PHC2: variants seen among roughly 807,000 people sequenced by gnomAD.
PHC2 encodes the protein polyhomeotic-like protein 2.
In PHC2, 29 loss-of-function variants were observed where a neutral mutation model predicts 87.4. The observed-to-expected ratio is 0.33, with a 90% CI of 0.25 to 0.45. The LOEUF (loss-of-function observed/expected upper bound fraction) is 0.45, where lower values mean the gene tolerates loss of function less well. Ranked by LOEUF, PHC2 falls within the 20% of genes least tolerant of loss-of-function variation. PHC2 has a pLI of 1.00. For missense variants in PHC2, 857 were observed against 1,136.7 expected, an observed-to-expected ratio of 0.75 and a Z score of 3.54; for synonymous variants, 438 against 461.7, an observed-to-expected ratio of 0.95 and a Z score of 0.66.
In PHC2 at chr1:33,375,434, C is replaced by T. The variant is rs760777564; in HGVS notation, c.106G>A (p.Gly36Arg). The stretch of plus-strand genomic sequence containing the variant: ...TGGGGCCCGGTGGGGCGGCCACTTC[C>T]ACCACTGCTGCTGTTGTTGCAGCCA... ...SSGCNNSSSGGSGRPTGPQIS... is the reference protein window; with the variant it reads ...SSGCNNSSSGRSGRPTGPQIS... The change falls in exon 2 of 15, where the codon GGA (glycine) becomes AGA (arginine). Residue 36 changes from glycine to arginine, a missense_variant. This residue lies in a region of PHC2 where 832 missense variants were observed against 1,081.8 expected (regional missense o/e 0.77). Transcript: ENST00000683057. The T allele has an allele frequency of 1.4e-5, 22 of 1,612,208 alleles. No homozygotes were observed. The highest frequency in any genetic ancestry group is 1.8e-5 in the Non-Finnish European group (21 of 1,179,276).
chr1:33,333,721 A>C (rs1646557956), intron 10 of PHC2: 1 of 238,406 alleles, frequency 4.2e-6, no homozygotes, highest in Non-Finnish European at 8.1e-6. Context: ...TTTGCCATTC[A>C]GAGGTTTTGG....
At chr1:33,421,246 G>C (rs1223614475) in intron 1 of PHC2, among the ~76,000 whole-genome samples, 1 of 152,114 alleles carries the variant, frequency 6.6e-6, no homozygotes. Context: ...TACAATTCTG[G>C]TATGCATATC....
chr1:33,413,409 C>T (rs1650063506), intron 1 of PHC2, among the ~76,000 whole-genome samples: 1 of 152,198 alleles, frequency 6.6e-6, no homozygotes, highest in Non-Finnish European at 1.5e-5. Flanking sequence ...TCCACTGACA[C>T]TGGATACTGA....
intron 1 of PHC2, among the ~76,000 whole-genome samples, chr1:33,409,650 A>G (rs1649906187): frequency 6.6e-6 from 1 of 152,190 alleles, no homozygotes; most frequent in African/African-American, 2.4e-5. Context: ...GGCCCAATCT[A>G]TCTATCACTG....
At chr1:33,408,077 T>G (rs1649834962) in intron 1 of PHC2, among the ~76,000 whole-genome samples, 1 of 152,228 alleles carries the variant, frequency 6.6e-6, no homozygotes, top group South Asian at 2.1e-4. Flanking sequence ...TTTTGTTACC[T>G]TTTTAGTACA....
intron 1 of PHC2, among the ~76,000 whole-genome samples, chr1:33,380,828 A>C (rs1293392486): frequency 6.6e-6 from 1 of 152,136 alleles, no homozygotes; most frequent in African/African-American, 2.4e-5. Context: ...TGGGATGTGA[A>C]ACCCTCCATG....
intron 1 of PHC2, among the ~76,000 whole-genome samples, chr1:33,421,122 G>C (rs1437721222): frequency 7.8e-6 from 1 of 127,812 alleles, no homozygotes; most frequent in African/African-American, 2.6e-5. Context: ...TCTATTTCAG[G>C]AGAAATGTTG....
intron 1 of PHC2, among the ~76,000 whole-genome samples, chr1:33,417,122 TAAAAC>T (rs1169301848): frequency 6.6e-6 from 1 of 151,398 alleles, no homozygotes; most frequent in Non-Finnish European, 1.5e-5. Flanking sequence ...TAAGAAAAGA[TAAAAC>T]AAAGACACAT....
chr1:33,400,717 A>G (rs907754210), intron 1 of PHC2, among the ~76,000 whole-genome samples: 1 of 152,208 alleles, frequency 6.6e-6, no homozygotes, highest in African/African-American at 2.4e-5. Context: ...ACATCTATAC[A>G]TATGCACATA....
Position 33,419,813 on chromosome 1 carries a change from G to A in PHC2, c.-55+11163C>T, listed in dbSNP as rs377323248. Among the ~76,000 whole-genome samples, 450 of 152,162 alleles carry A rather than the reference G, an allele frequency of 3.0e-3. 2 individuals are homozygous for A. The highest frequency in any genetic ancestry group is 0.01 in the African/African-American group (433 of 41,524). The stretch of plus-strand genomic sequence containing the variant: ...TTTAGTAGAGACGGGGTTTCACCGT[G>A]TTAGCCAGGATGGTCTCGATCTCCT... On this transcript the variant is annotated intron_variant, in intron 1 of 14. Transcript: ENST00000683057.
In PHC2 at chr1:33,414,532, C is replaced by T. The variant is rs117341305; in HGVS notation, c.-55+16444G>A. On this transcript the variant is annotated intron_variant, in intron 1 of 14. Transcript: ENST00000683057. ...CCCACTGACAAAGAATTTAAATAGA[C>T]AGTAGGGCAGTTAAAGGGTTTATAG... Among the ~76,000 whole-genome samples the T allele has an allele frequency of 7.6e-4, 115 of 152,254 alleles. 1 individual carries two copies. The East Asian group carries it at 0.019, about 24-fold the overall frequency.
intron 7 of PHC2, chr1:33,363,939 C>T (rs1033323437): frequency 2.0e-6 from 2 of 983,308 alleles, no homozygotes; most frequent in African/African-American, 3.5e-5. Context: ...AAGCCAGGCC[C>T]TTCTCCTTCC....
intron 1 of PHC2, among the ~76,000 whole-genome samples, chr1:33,385,588 A>G (rs1004531002): frequency 3.3e-5 from 5 of 152,236 alleles, no homozygotes; most frequent in African/African-American, 1.2e-4. Context: ...AAGAGAGTAC[A>G]TTAAGGTAGG....
chr1:33,419,501 T>C (rs1220495424), intron 1 of PHC2, among the ~76,000 whole-genome samples: 5 of 152,246 alleles, frequency 3.3e-5, no homozygotes, highest in Non-Finnish European at 7.3e-5. Flanking sequence ...ATGTTGTCTG[T>C]GTCTTCCTCT....
intron 1 of PHC2, among the ~76,000 whole-genome samples, chr1:33,395,578 T>C (rs754017063): frequency 6.6e-6 from 1 of 152,146 alleles, no homozygotes; most frequent in Non-Finnish European, 1.5e-5. Flanking sequence ...GATGAACTGA[T>C]GATGGATGGG....
chr1:33,414,756 G>T (rs1334676824), intron 1 of PHC2, among the ~76,000 whole-genome samples: 1 of 152,138 alleles, frequency 6.6e-6, no homozygotes, highest in East Asian at 1.9e-4. Context: ...AATTTATCAC[G>T]TAGAATTTTG....
chr1:33,393,463 G>GTTTTTTTTTTTTTTTT (rs36030279), intron 1 of PHC2, among the ~76,000 whole-genome samples: 4 of 131,046 alleles, frequency 3.1e-5, no homozygotes, highest in African/African-American at 2.9e-5. Context: ...TTTTCAAGAG[G>GTTTTTTTTTTTTTTTT]TTTTTTTTTT....
chr1:33,349,363 C>G lies in PHC2; in HGVS notation c.1558+5038G>C, dbSNP rs950601948. 1 of 985,258 alleles carries G rather than the reference C, an allele frequency of 1.0e-6. No individual in the cohort carries two copies. 61.0% of individuals were successfully genotyped at this position (985,258 alleles called of 1,614,324 possible). The stretch of plus-strand genomic sequence containing the variant: ...TGGGGACGCGGAAGCTGCGGCGCGC[C>G]GAGGTGACACGGCTTCCAGGGGCGA... On this transcript the variant is annotated intron_variant, in intron 9 of 14. Transcript: ENST00000683057. The surrounding 1 kb of genome is among the most constrained non-coding windows in gnomAD (Gnocchi z 4.2).
chr1:33,381,717 TA>T (rs1462765615), intron 1 of PHC2, among the ~76,000 whole-genome samples: 5 of 150,848 alleles, frequency 3.3e-5, no homozygotes, highest in Non-Finnish European at 7.4e-5. Context: ...CAAAGCATAC[TA>T]GATTTTCAGT....
Sources: gnomAD v4.1 joint callset for allele counts (sites outside exome capture counted in the v4.1 genomes callset) on GRCh38, gnomAD v4.1.1 for gene constraint, gnomAD v4.1.1 regional missense constraint, Gnocchi (gnomAD v3.1) non-coding constraint, MANE v1.5 for transcripts, NCBI Gene and HGNC (gene_info 2026-07-23, HGNC 2026-07-21) for gene names.